Variants in ACOT7 observed in about 807,000 individuals in gnomAD.
ACOT7 encodes cytosolic acyl coenzyme A thioester hydrolase.
In ACOT7, 12 loss-of-function variants were observed where a neutral mutation model predicts 40.2. That is an observed-to-expected ratio of 0.30 (90% CI 0.19 to 0.48). The LOEUF (loss-of-function observed/expected upper bound fraction) is 0.48. Ranked by LOEUF, ACOT7 falls within the 20% of genes least tolerant of loss-of-function variation. The pLI, the probability that ACOT7 is intolerant of heterozygous loss-of-function variation, is 0.99. For synonymous variants in ACOT7, 228 were observed against 219.5 expected (o/e 1.04, Z -0.34); for missense variants, 395 against 530.8 (o/e 0.74, Z 2.51).
At chr1:6,379,932 G>T (rs536496860) in intron 1 of ACOT7, among the ~76,000 whole-genome samples, 1 of 151,638 alleles carries the variant, frequency 6.6e-6, no homozygotes, top group Non-Finnish European at 1.5e-5. Flanking sequence ...CAGGTGTGGT[G>T]GTGCACACCT....
At chr1:6,335,267 C>T (rs552823660) in intron 3 of ACOT7, among the ~76,000 whole-genome samples, 8 of 135,524 alleles carry the variant, frequency 5.9e-5, no homozygotes, top group Admixed American at 4.4e-4. Context: ...GCAGAGGTTG[C>T]GGTGAGCCGA....
At chr1:6,323,728 AAAAAAAAAAATATAT>A (rs1300976531) in intron 5 of ACOT7, among the ~76,000 whole-genome samples, 19 of 95,838 alleles carry the variant, frequency 2.0e-4, no homozygotes, top group Admixed American at 8.0e-4. Flanking sequence ...AAAAAAAAAA[AAAAAAAAAAATATAT>A]ATATATATAT....
intron 1 of ACOT7, among the ~76,000 whole-genome samples, chr1:6,389,043 GAAA>G (rs137913430): frequency 4.2e-5 from 4 of 94,920 alleles, no homozygotes; most frequent in Admixed American, 1.1e-4. Context: ...TCCGTCTCAA[GAAA>G]AAAAAAAAAA....
intron 6 of ACOT7, among the ~76,000 whole-genome samples, chr1:6,304,009 C>G (rs182926369): frequency 6.6e-6 from 1 of 152,158 alleles, no homozygotes; most frequent in Non-Finnish European, 1.5e-5. Flanking sequence ...TTTTGCATCC[C>G]AACTGCCATG....
chr1:6,364,146 A>G (rs1242907885), intron 1 of ACOT7, among the ~76,000 whole-genome samples: 8 of 150,394 alleles, frequency 5.3e-5, no homozygotes, highest in Admixed American at 5.3e-4. Flanking sequence ...GAGCCCAGGA[A>G]TTCCAGGCCG....
In ACOT7 at chr1:6,306,369, G is replaced by A. The variant is rs1417497354; in HGVS notation, c.713-11389C>T. ...CGGCTGAGAGGAGGACCCAGTGTGG[G>A]CAGGACAAAGTGAGTTCCTGGGACA... is the stretch of plus-strand genomic sequence containing the variant. On this transcript the variant is annotated intron_variant, in intron 6 of 8. Transcript: ENST00000361521. This position sits in a 1 kb window ranked among gnomAD's most constrained non-coding sequence, Gnocchi z 4.3. 1.0e-6 allele frequency: 1 copy of A among 985,266 alleles called. No individual in the cohort carries two copies. Among genetic ancestry groups the A allele is most frequent in the East Asian group, 1.1e-4 (1 of 8,822 alleles). 61.0% of individuals were successfully genotyped at this position (985,266 alleles called of 1,614,324 possible). A position where few individuals can be genotyped will look rare whatever the true frequency, so the allele number is the denominator to read the frequency against.
rs1290669174 is a variant in ACOT7 at position 6,293,366 on chromosome 1, C to CA, written c.829+1497dup. 1.3e-5 allele frequency among the ~76,000 whole-genome samples: 2 copies of CA among 152,146 alleles called. 1 individual carries two copies. The highest frequency in any genetic ancestry group is 2.9e-5 in the Non-Finnish European group (2 of 68,030). ...GAAAAAATAGCATGGAATATGATGC[C>CA]ACAGATTCTCCTGCAGAGTCACGCA... On this transcript the variant is annotated intron_variant, in intron 7 of 8. Coordinates refer to ENST00000361521, the MANE Select transcript of ACOT7 (RefSeq NM_007274.4).
At chr1:6,385,885 A>G in intron 1 of ACOT7, 2 of 1,330,478 alleles carry the variant, frequency 1.5e-6, no homozygotes, top group Non-Finnish European at 2.0e-6. Flanking sequence ...GTTCTCTACA[A>G]AAGACCAGTG....
intron 3 of ACOT7, 133 bp from the exon 4 acceptor site, chr1:6,333,701 C>T: frequency 1.2e-6 from 1 of 855,600 alleles, no homozygotes; most frequent in South Asian, 1.6e-5. Context: ...CACCACCTCT[C>T]TGGCCCCCAA....
intron 5 of ACOT7, among the ~76,000 whole-genome samples, chr1:6,320,292 C>T (rs932356648): frequency 1.3e-5 from 2 of 152,176 alleles, no homozygotes; most frequent in Non-Finnish European, 2.9e-5. Context: ...ATCCTGGGGG[C>T]CTGGTTCAGG....
rs1036604368 is a variant in ACOT7 at position 6,352,484 on chromosome 1, G to C, written c.144-2618C>G. Among the ~76,000 whole-genome samples, 1 of 152,324 alleles carries C rather than the reference G, an allele frequency of 6.6e-6. No individual in the cohort carries two copies. Among genetic ancestry groups the C allele is most frequent in the South Asian group, 2.1e-4 (1 of 4,832 alleles). On this transcript the variant is annotated intron_variant, in intron 1 of 8. Coordinates refer to ENST00000361521, the MANE Select transcript of ACOT7 (RefSeq NM_007274.4). This position sits in a 1 kb window ranked among gnomAD's most constrained non-coding sequence, Gnocchi z 4.5. Reference sequence around the variant, plus strand: ...CCATGGCCTGGCCAAGGCCAACCGTGTCCATCCCAGGACAGGGTCATGACT... The same window carrying C: ...CCATGGCCTGGCCAAGGCCAACCGTCTCCATCCCAGGACAGGGTCATGACT...
At chr1:6,305,027 AC>A (rs1306997534) in intron 6 of ACOT7, among the ~76,000 whole-genome samples, 11 of 115,208 alleles carry the variant, frequency 9.5e-5, no homozygotes, top group Non-Finnish European at 1.8e-4. Flanking sequence ...CGGGGCGCTG[AC>A]CCCCCCGCCT....
intron 1 of ACOT7, among the ~76,000 whole-genome samples, chr1:6,385,289 C>A (rs928647103): frequency 1.3e-5 from 2 of 151,830 alleles, no homozygotes; most frequent in Non-Finnish European, 2.9e-5. Flanking sequence ...TTCCGCTCGT[C>A]CCTAGGGGAA....
In ACOT7 at chr1:6,282,858, G is replaced by T; in HGVS notation, c.830-1572C>A. 8.3e-7 allele frequency: 1 copy of T among 1,202,596 alleles called. No individual in the cohort carries two copies. The highest frequency in any genetic ancestry group is 1.1e-6 in the Non-Finnish European group (1 of 896,336). 74.5% of individuals were successfully genotyped at this position (1,202,596 alleles called of 1,614,324 possible). On this transcript the variant is annotated intron_variant, in intron 7 of 8. Coordinates refer to ENST00000361521, the MANE Select transcript of ACOT7 (RefSeq NM_007274.4). This position sits in a 1 kb window ranked among gnomAD's most constrained non-coding sequence, Gnocchi z 4.5. ...TCACAAGACGCACCCCGGGAGGAGG[G>T]CAGGCCATGGGTCAGGCCCCAGCTA...
At chr1:6,280,191 C>T (rs1216795565) in intron 8 of ACOT7, among the ~76,000 whole-genome samples, 2 of 152,236 alleles carry the variant, frequency 1.3e-5, no homozygotes, top group Non-Finnish European at 2.9e-5. Context: ...TGCTCTGTTC[C>T]CGCATCCTCG....
rs142482828 is a variant in ACOT7, at chr1:6,346,396, C to T, written c.261+3353G>A. Among the ~76,000 whole-genome samples, 177 of 152,302 alleles carry T rather than the reference C, an allele frequency of 1.2e-3. 1 individual carries two copies. Among genetic ancestry groups the T allele is most frequent in the African/African-American group, 4.0e-3 (167 of 41,570 alleles). On this transcript the variant is annotated intron_variant, in intron 2 of 8. Transcript: ENST00000361521. ...GGATTCCAACATTTTTATGTAGAGC[C>T]TAGAAGAGGAGAGGGCAGGGCCCTG...
chr1:6,387,479 C>T lies in ACOT7; in HGVS notation c.143+5778G>A, dbSNP rs528515833. On this transcript the variant is annotated intron_variant, in intron 1 of 8. Transcript: ENST00000361521. ...TGAAGTACTGTTCACATGCAGAAAACCCATATTTGTAACAGACTTCCCCAG... is the reference window on the plus strand; with the variant it reads ...TGAAGTACTGTTCACATGCAGAAAATCCATATTTGTAACAGACTTCCCCAG... 1.3e-4 allele frequency among the ~76,000 whole-genome samples: 20 copies of T among 152,260 alleles called. No homozygotes were observed. The South Asian group carries it at 2.9e-3, about 22-fold the overall frequency.
chr1:6,269,787 G>GT (rs963193297), intron 8 of ACOT7, among the ~76,000 whole-genome samples: 7 of 152,384 alleles, frequency 4.6e-5, no homozygotes, highest in Non-Finnish European at 7.3e-5. Context: ...TCCCGGGATG[G>GT]TAGTATCTGC....
chr1:6,339,687 T>C, intron 2 of ACOT7, 98 bp from the exon 3 acceptor site: 1 of 1,454,774 alleles, frequency 6.9e-7, no homozygotes, highest in Non-Finnish European at 9.2e-7. Flanking sequence ...TGCCTTTGCT[T>C]TCATTCCCCA....
Sources: gnomAD v4.1 joint callset for allele counts (sites outside exome capture counted in the v4.1 genomes callset) on GRCh38, gnomAD v4.1.1 for gene constraint, Gnocchi (gnomAD v3.1) non-coding constraint, MANE v1.5 for transcripts, NCBI Gene and HGNC (gene_info 2026-07-23, HGNC 2026-07-21) for gene names.